ST8SIA5: variants seen among roughly 807,000 people sequenced by gnomAD.
ST8SIA5 encodes ST8 alpha-N-acetyl-neuraminide alpha-2,8-sialyltransferase 5, also known as alpha-2,8-sialyltransferase 8E.
A neutral mutation model predicts 40.2 loss-of-function variants in ST8SIA5; 24 were observed. The ratio of observed to expected loss-of-function variants is 0.60; its 90% CI spans 0.43 to 0.84. The LOEUF (loss-of-function observed/expected upper bound fraction) is 0.84, where lower values mean the gene tolerates loss of function less well. Among genes scored for constraint, ST8SIA5 ranks in the 40% least tolerant of loss-of-function variants. The probability of loss-of-function intolerance (pLI) is 0.00; values close to 1 mark genes in which losing one functional copy is unlikely to be tolerated. For missense variants in ST8SIA5, 465 were observed against 498.5 expected (o/e 0.93, Z 0.64); for synonymous variants, 198 against 201.8 (o/e 0.98, Z 0.16).
chr18:46,719,177 T>G (rs1177494297), intron 1 of ST8SIA5, among the ~76,000 whole-genome samples: 1 of 152,160 alleles, frequency 6.6e-6, no homozygotes, highest in East Asian at 1.9e-4. Flanking sequence ...ATGGGAGCGC[T>G]CCAGAAGGAA....
At chr18:46,732,819 G>C (rs1014748235) in intron 1 of ST8SIA5, among the ~76,000 whole-genome samples, 1 of 152,070 alleles carries the variant, frequency 6.6e-6, no homozygotes, top group African/African-American at 2.4e-5. Flanking sequence ...CAATGCTCAA[G>C]AAATTGTGCT....
intron 1 of ST8SIA5, among the ~76,000 whole-genome samples, chr18:46,742,202 TAA>T (rs924003876): frequency 6.6e-6 from 1 of 152,082 alleles, no homozygotes; most frequent in Non-Finnish European, 1.5e-5. Context: ...GAAAATATCT[TAA>T]AAAAATAAGC....
chr18:46,735,741 T>C (rs2040027592), intron 1 of ST8SIA5, among the ~76,000 whole-genome samples: 1 of 151,876 alleles, frequency 6.6e-6, no homozygotes, highest in Non-Finnish European at 1.5e-5. Context: ...GCCTCCTGAG[T>C]AGCCAGGACT....
intron 1 of ST8SIA5, among the ~76,000 whole-genome samples, chr18:46,750,153 A>G (rs542853423): frequency 6.6e-6 from 1 of 152,272 alleles, no homozygotes; most frequent in Non-Finnish European, 1.5e-5. Context: ...ATAAAACTCC[A>G]TTGAAAGACA....
intron 2 of ST8SIA5, among the ~76,000 whole-genome samples, chr18:46,703,155 T>G (rs2039634889): frequency 6.6e-6 from 1 of 152,224 alleles, no homozygotes; most frequent in African/African-American, 2.4e-5. Flanking sequence ...TTATTTTATT[T>G]TATTTTTTGA....
chr18:46,696,738 A>G (rs949378176), intron 2 of ST8SIA5, among the ~76,000 whole-genome samples: 103 of 152,376 alleles, frequency 6.8e-4, no homozygotes, highest in African/African-American at 2.4e-3. Flanking sequence ...GGTTGACCCC[A>G]GGCACTTTTC....
chr18:46,686,743 G>A (rs1266417699), intron 4 of ST8SIA5, among the ~76,000 whole-genome samples: 5 of 151,738 alleles, frequency 3.3e-5, no homozygotes, highest in Non-Finnish European at 7.4e-5. Flanking sequence ...AGTGAGCCAA[G>A]GCGGGGAAAA....
At chr18:46,745,243 C>CA (rs1303071534) in intron 1 of ST8SIA5, among the ~76,000 whole-genome samples, 1 of 151,874 alleles carries the variant, frequency 6.6e-6, no homozygotes, top group Middle Eastern at 3.2e-3. Flanking sequence ...GATAGAGACA[C>CA]AAAAAACCCT....
chr18:46,715,209 A>T (rs189795064), intron 1 of ST8SIA5, among the ~76,000 whole-genome samples: 114 of 152,302 alleles, frequency 7.5e-4, no homozygotes, highest in African/African-American at 2.5e-3. Context: ...AGAAGAGAAC[A>T]TTGACCCGGA....
intron 1 of ST8SIA5, among the ~76,000 whole-genome samples, chr18:46,714,870 A>G (rs2039770973): frequency 6.6e-6 from 1 of 152,150 alleles, no homozygotes; most frequent in South Asian, 2.1e-4. Context: ...GTAAGTGGTT[A>G]TTTGCCCAGG....
rs1246905523 is a variant in ST8SIA5, at chr18:46,686,202, C to T, written c.541G>A (p.Glu181Lys). 2.5e-6 allele frequency: 4 copies of T among 1,614,040 alleles called. No individual in the cohort carries two copies. The African/African-American group carries it at 5.3e-5, about 22-fold the overall frequency. The stretch of plus-strand genomic sequence containing the variant: ...AAGACGAAGTCGGCGCTGTTGATCT[C>T]CCTCCCGCAGCGGCTGTTCTTCAAG... ...GILKNSRCGR[E>K]INSADFVFRC... The change falls in exon 5 of 7, where the codon GAG (glutamate) becomes AAG (lysine). Residue 181 changes from glutamate (E) to lysine (K), a missense_variant. By Grantham distance (56) the Glu-to-Lys change is moderately conservative. Transcript: ENST00000315087.
Position 46,681,965 on chromosome 18 carries a change from C to G in ST8SIA5, c.662+7G>C, listed in dbSNP as rs762397422. ...GACAGTGCAGCTCTAGAAAGAGGGC[C>G]ACTGACCTCTCTGTGATGATGCTGG... On this transcript the variant is annotated splice_region_variant and intron_variant, in intron 6 of 6. Transcript: ENST00000315087. 1 of 1,613,606 alleles carries G rather than the reference C, an allele frequency of 6.2e-7. No homozygotes were observed. Among genetic ancestry groups the G allele is most frequent in the Non-Finnish European group, 8.5e-7 (1 of 1,179,806 alleles).
intron 1 of ST8SIA5, among the ~76,000 whole-genome samples, chr18:46,741,911 G>A (rs2040089478): frequency 6.6e-6 from 1 of 152,062 alleles, no homozygotes; most frequent in Non-Finnish European, 1.5e-5. Flanking sequence ...AGACCAGCCT[G>A]AGCAACATCG....
intron 2 of ST8SIA5, among the ~76,000 whole-genome samples, chr18:46,696,953 G>C (rs539063437): frequency 6.6e-6 from 1 of 152,156 alleles, no homozygotes; most frequent in East Asian, 1.9e-4. Flanking sequence ...TCTAAGAGGT[G>C]GGTGGAGGAT....
intron 1 of ST8SIA5, chr18:46,730,333 A>T: frequency 1.2e-6 from 1 of 816,568 alleles, no homozygotes; most frequent in Non-Finnish European, 1.5e-6. Context: ...AAGGGGATGA[A>T]TAATCCTCAA....
At chr18:46,715,432 G>A (rs1462227914) in intron 1 of ST8SIA5, among the ~76,000 whole-genome samples, 1 of 152,182 alleles carries the variant, frequency 6.6e-6, no homozygotes, top group Non-Finnish European at 1.5e-5. Flanking sequence ...AAGGCAGGAG[G>A]GAGGAGGACA....
intron 1 of ST8SIA5, among the ~76,000 whole-genome samples, chr18:46,738,314 T>C (rs1406825731): frequency 1.3e-5 from 2 of 149,904 alleles, no homozygotes; most frequent in Admixed American, 1.3e-4. Flanking sequence ...TAAGAGGGTA[T>C]CACTGTGCTC....
At chr18:46,722,798 G>A (rs1732363254) in intron 1 of ST8SIA5, among the ~76,000 whole-genome samples, 1 of 152,186 alleles carries the variant, frequency 6.6e-6, no homozygotes, top group Non-Finnish European at 1.5e-5. Context: ...GTTGAGAATC[G>A]CTGTCTATAA....
intron 1 of ST8SIA5, among the ~76,000 whole-genome samples, chr18:46,709,243 T>C (rs1242144671): frequency 6.6e-6 from 1 of 152,222 alleles, no homozygotes; most frequent in Non-Finnish European, 1.5e-5. Flanking sequence ...ATGATGGGAT[T>C]AGGCCCTTAT....
Sources: allele counts gnomAD v4.1 joint callset (sites outside exome capture counted in the v4.1 genomes callset), GRCh38; gene constraint gnomAD v4.1.1; transcripts MANE v1.5; gene names NCBI Gene and HGNC (gene_info 2026-07-23, HGNC 2026-07-21).